The following WIPF3 variants were observed in gnomAD, a reference collection of about 807,000 sequenced individuals.
The protein encoded by WIPF3 is WAS/WASL interacting protein family member 3.
In WIPF3, 33 loss-of-function variants were observed where a neutral mutation model predicts 38.9. The ratio of observed to expected loss-of-function variants is 0.85; its 90% confidence interval spans 0.64 to 1.14. WIPF3 has a LOEUF of 1.14. Ranked by LOEUF, WIPF3 falls within the 50% of genes most tolerant of loss-of-function variation. The probability of loss-of-function intolerance (pLI) is 0.00; values close to 1 mark genes in which losing one functional copy is unlikely to be tolerated. For missense variants in WIPF3, 711 were observed against 652.5 expected (o/e 1.09, Z -0.98); for synonymous variants, 324 against 269.3 (o/e 1.20, Z -1.99).
At chr7:29,819,169 C>G (rs1444105882) in intron 1 of WIPF3, among the ~76,000 whole-genome samples, 1 of 152,046 alleles carries the variant, frequency 6.6e-6, no homozygotes, top group Non-Finnish European at 1.5e-5. Flanking sequence ...TTTCACACTT[C>G]TTGGTGGTGG....
chr7:29,820,948 G>C (rs985854299), intron 1 of WIPF3, among the ~76,000 whole-genome samples: 7 of 152,096 alleles, frequency 4.6e-5, no homozygotes, highest in African/African-American at 1.7e-4. Flanking sequence ...ATGATTAATA[G>C]TAGTTCCATT....
chr7:29,835,740 G>A (rs77865200), intron 2 of WIPF3, among the ~76,000 whole-genome samples: 7 of 152,086 alleles, frequency 4.6e-5, no homozygotes, highest in African/African-American at 9.7e-5. Context: ...CATCCGCTCC[G>A]CAGCTTCTGT....
chr7:29,820,893 C>T (rs756079521), intron 1 of WIPF3, among the ~76,000 whole-genome samples: 2 of 152,120 alleles, frequency 1.3e-5, no homozygotes, highest in Non-Finnish European at 2.9e-5. Context: ...CTTTATCTTC[C>T]TTTTTACCTG....
rs529475714 is a variant in WIPF3 at position 29,849,565 on chromosome 7, T to C, written c.90+14751T>C. On this transcript the variant is annotated intron_variant, in intron 2 of 8. Transcript: ENST00000242140. Reference sequence around the variant, plus strand: ...GGAAGAATTTTCACCTTCAGTGTTCTCTAGTCTGACTAAATGCCTCTCGTG... The same window carrying C: ...GGAAGAATTTTCACCTTCAGTGTTCCCTAGTCTGACTAAATGCCTCTCGTG... 4.6e-5 allele frequency among the ~76,000 whole-genome samples: 7 copies of C among 152,344 alleles called. No homozygotes were observed. The East Asian group carries it at 1.4e-3, about 29-fold the overall frequency.
intron 2 of WIPF3, among the ~76,000 whole-genome samples, chr7:29,851,401 G>A (rs536767638): frequency 6.6e-6 from 1 of 151,956 alleles, no homozygotes; most frequent in African/African-American, 2.4e-5. Flanking sequence ...TTTTTTGACC[G>A]AATCTTTTCA....
chr7:29,874,193 G>A (rs1235403353), intron 2 of WIPF3, among the ~76,000 whole-genome samples: 2 of 151,892 alleles, frequency 1.3e-5, no homozygotes, highest in East Asian at 3.9e-4. Context: ...AGCAAAGACA[G>A]CTCTGATACC....
chr7:29,884,711 C>A lies in WIPF3; in HGVS notation c.1099+118C>A, dbSNP rs1785836084. ...AGATGGACACCAGGGGTGAGGGAGG[C>A]AGAGAGACTTGCCCAAAATCATGCT... is the stretch of plus-strand genomic sequence containing the variant. On this transcript the variant is annotated intron_variant, in intron 5 of 8. Coordinates refer to ENST00000242140, the MANE Select transcript of WIPF3 (RefSeq NM_001080529.3). The A allele has an allele frequency of 2.2e-6, 3 of 1,393,244 alleles. No homozygotes were observed. In the Admixed American group the frequency reaches 8.4e-5, roughly 39 times the overall value. 86.3% of individuals were successfully genotyped at this position (1,393,244 alleles called of 1,614,324 possible).
intron 4 of WIPF3, among the ~76,000 whole-genome samples, chr7:29,880,062 C>G (rs920946050): frequency 6.6e-6 from 1 of 152,188 alleles, no homozygotes; most frequent in Non-Finnish European, 1.5e-5. Flanking sequence ...TGTAATCAGT[C>G]TACCTCAGTG....
At chr7:29,872,033 G>A (rs960908269) in intron 2 of WIPF3, among the ~76,000 whole-genome samples, 5 of 152,198 alleles carry the variant, frequency 3.3e-5, no homozygotes, top group African/African-American at 1.2e-4. Flanking sequence ...AGTGAACTTG[G>A]AAGTAATGTT....
rs1159358028 is a variant in WIPF3 at position 29,915,122 on chromosome 7, A to G, written c.*606A>G. On this transcript the variant is annotated 3_prime_UTR_variant, in exon 9 of 9. Coordinates refer to ENST00000242140, the MANE Select transcript of WIPF3 (RefSeq NM_001080529.3). ...TTTTTTTTTTGCTGCCTAATGTAAT[A>G]CATCACAAAGTAAAGGCAAGAGTGG... The G allele has an allele frequency of 1.5e-5, 2 of 136,074 alleles. No individual in the cohort carries two copies. Among genetic ancestry groups the G allele is most frequent in the African/African-American group, 5.7e-5 (2 of 35,100 alleles). The allele number at this position is 136,074 out of a possible 1,614,324, so 8.4% of individuals were successfully genotyped here.
chr7:29,820,708 T>C (rs1784521731), intron 1 of WIPF3, among the ~76,000 whole-genome samples: 1 of 152,188 alleles, frequency 6.6e-6, no homozygotes, highest in Admixed American at 6.5e-5. Flanking sequence ...CAATTCTAGT[T>C]GGTATAATCA....
intron 5 of WIPF3, among the ~76,000 whole-genome samples, chr7:29,886,941 C>T (rs1785894690): frequency 6.6e-6 from 1 of 152,186 alleles, no homozygotes; most frequent in African/African-American, 2.4e-5. Context: ...AGTCCTTTTA[C>T]TGCATGTGGG....
intron 2 of WIPF3, 84 bp from the exon 3 acceptor site, chr7:29,875,745 TG>T: frequency 2.6e-6 from 4 of 1,549,624 alleles, no homozygotes; most frequent in Non-Finnish European, 8.8e-7. Flanking sequence ...GACAGAGAAC[TG>T]CAAGAGGAGA....
At chr7:29,836,523 C>G (rs973998857) in intron 2 of WIPF3, among the ~76,000 whole-genome samples, 2 of 152,122 alleles carry the variant, frequency 1.3e-5, no homozygotes. Context: ...ATTTTTGAGA[C>G]TGATTTAAGA....
At chr7:29,843,496 G>C (rs1272793714) in intron 2 of WIPF3, among the ~76,000 whole-genome samples, 4 of 152,216 alleles carry the variant, frequency 2.6e-5, no homozygotes, top group Non-Finnish European at 5.9e-5. Flanking sequence ...GCAGGAAGGT[G>C]ACAGGGGGTA....
chr7:29,888,347 C>A, intron 6 of WIPF3, 130 bp downstream of exon 6: 1 of 1,196,428 alleles, frequency 8.4e-7, no homozygotes, highest in Non-Finnish European at 1.2e-6. Flanking sequence ...AACAGGGGCT[C>A]ACTCCAGCAC....
intron 7 of WIPF3, among the ~76,000 whole-genome samples, chr7:29,895,200 C>G (rs1327462844): frequency 6.6e-6 from 1 of 152,114 alleles, no homozygotes; most frequent in Non-Finnish European, 1.5e-5. Flanking sequence ...CTCGGCAACT[C>G]AAAGTGTTGG....
intron 7 of WIPF3, among the ~76,000 whole-genome samples, chr7:29,903,878 A>G (rs1786337794): frequency 6.6e-6 from 1 of 152,204 alleles, no homozygotes; most frequent in Non-Finnish European, 1.5e-5. Flanking sequence ...CTTGTGTAAT[A>G]CTTAAGCACA....
intron 7 of WIPF3, among the ~76,000 whole-genome samples, chr7:29,900,166 G>C (rs1319562906): frequency 3.4e-5 from 5 of 146,600 alleles, no homozygotes; most frequent in Non-Finnish European, 7.6e-5. Context: ...TCAACTCCTG[G>C]CCTCAAGTGA....
Sources: allele counts gnomAD v4.1 joint callset (sites outside exome capture counted in the v4.1 genomes callset), GRCh38; gene constraint gnomAD v4.1.1; transcripts MANE v1.5; gene names NCBI Gene and HGNC (gene_info 2026-07-23, HGNC 2026-07-21).